BCAS3: variants seen among roughly 807,000 people sequenced by gnomAD.
BCAS3 encodes the protein BCAS4/BCAS3 fusion.
Under a neutral mutation model 116.1 loss-of-function variants are expected in BCAS3, and 53 were observed. That is an observed-to-expected ratio of 0.46 (90% CI 0.37 to 0.57). BCAS3 has a LOEUF of 0.57. Among genes scored for constraint, BCAS3 ranks in the 20% least tolerant of loss-of-function variants. The pLI is 0.00. For synonymous variants in BCAS3, 391 were observed against 408.2 expected (o/e 0.96, Z 0.51); for missense variants, 917 against 1,165.4 (o/e 0.79, Z 3.10).
At chr17:61,328,908 T>C (rs2055965096) in intron 22 of BCAS3, among the ~76,000 whole-genome samples, 1 of 149,356 alleles carries the variant, frequency 6.7e-6, no homozygotes, top group Admixed American at 6.7e-5. Context: ...TTTTTTTTTT[T>C]TTTTGAGACG....
chr17:61,308,171 T>A (rs2053994023), intron 22 of BCAS3, among the ~76,000 whole-genome samples: 1 of 142,262 alleles, frequency 7.0e-6, no homozygotes, highest in Non-Finnish European at 1.5e-5. Context: ...GTGTGGGGAC[T>A]CCTGGTGTTG....
intron 22 of BCAS3, among the ~76,000 whole-genome samples, chr17:61,342,534 C>T (rs1259604192): frequency 1.3e-5 from 2 of 152,202 alleles, no homozygotes; most frequent in African/African-American, 2.4e-5. Flanking sequence ...CTCCCAACGC[C>T]GAGCACATCC....
In BCAS3 at chr17:61,007,561, A is replaced by G. The variant is rs1274888018; in HGVS notation, c.1487-8190A>G. On this transcript the variant is annotated intron_variant, in intron 15 of 23. Coordinates refer to ENST00000407086, the MANE Select transcript of BCAS3 (RefSeq NM_017679.5). The surrounding 1 kb of genome is among the most constrained non-coding windows in gnomAD (Gnocchi z 4.3). ...TATTTATTGGAGTATTCGTACATAA[A>G]TATATACAGTTTCAATTCTCCTGAA... 6.6e-6 allele frequency among the ~76,000 whole-genome samples: 1 copy of G among 152,052 alleles called. No individual in the cohort carries two copies. Among genetic ancestry groups the G allele is most frequent in the East Asian group, 1.9e-4 (1 of 5,190 alleles).
At position 61,003,081 on chromosome 17, in the gene BCAS3, A is replaced by G. The variant is rs2064370553; in HGVS notation, c.1487-12670A>G. On this transcript the variant is annotated intron_variant, in intron 15 of 23. Transcript: ENST00000407086. ...CTTTTAACTCTTCTGTTTTTTTCTC[A>G]GTTGGTTTTTTTTGGGCCCTTTCCT... 3.3e-5 allele frequency among the ~76,000 whole-genome samples: 5 copies of G among 150,908 alleles called. 1 individual carries two copies. In the South Asian group the frequency reaches 1.1e-3, roughly 32 times the overall value.
intron 13 of BCAS3, among the ~76,000 whole-genome samples, chr17:60,928,300 C>T (rs1268029537): frequency 6.6e-6 from 1 of 151,930 alleles, no homozygotes; most frequent in East Asian, 1.9e-4. Context: ...AAGCTGGGAC[C>T]TAAAAGATTA....
At chr17:60,788,360 G>A (rs2046465333) in intron 6 of BCAS3, among the ~76,000 whole-genome samples, 1 of 152,114 alleles carries the variant, frequency 6.6e-6, no homozygotes, top group Non-Finnish European at 1.5e-5. Context: ...TTTGTGTTTG[G>A]TGCTTTTTAA....
intron 6 of BCAS3, among the ~76,000 whole-genome samples, chr17:60,797,498 A>G (rs547687921): frequency 2.2e-4 from 33 of 152,042 alleles, no homozygotes; most frequent in Middle Eastern, 6.8e-3. Flanking sequence ...ACAGGTGTGT[A>G]GCACCACACC....
intron 19 of BCAS3, among the ~76,000 whole-genome samples, chr17:61,069,464 G>A (rs1474291844): frequency 1.3e-5 from 2 of 152,128 alleles, no homozygotes; most frequent in Admixed American, 6.6e-5. Flanking sequence ...ATTTTAATTA[G>A]GTTTTAAGCT....
chr17:60,988,338 C>CTTTTTTTTT (rs71148317), intron 14 of BCAS3, among the ~76,000 whole-genome samples: 8 of 66,760 alleles, frequency 1.2e-4, no homozygotes, highest in Non-Finnish European at 2.0e-4. Context: ...TTTTCTTTTT[C>CTTTTTTTTT]TTTTTTTTTT....
chr17:60,707,350 A>G (rs899147231), intron 4 of BCAS3, among the ~76,000 whole-genome samples: 1 of 151,730 alleles, frequency 6.6e-6, no homozygotes, highest in African/African-American at 2.4e-5. Context: ...CTGGTCTCAG[A>G]CTCCTGGGCT....
At position 60,834,627 on chromosome 17, in the gene BCAS3, C is replaced by T. The variant is rs78315413; in HGVS notation, c.476+26551C>T. On this transcript the variant is annotated intron_variant, in intron 7 of 23. Transcript: ENST00000407086. ...TTCACAGTATAGTAGTATATTTGGC[C>T]TCACTGTGCTTGCTTGGCAGAAGAT... is the stretch of plus-strand genomic sequence containing the variant. Among the ~76,000 whole-genome samples, 625 of 152,010 alleles carry T rather than the reference C, an allele frequency of 4.1e-3. 4 individuals carry two copies. Among genetic ancestry groups the T allele is most frequent in the African/African-American group, 0.014 (601 of 41,520 alleles).
intron 22 of BCAS3, among the ~76,000 whole-genome samples, chr17:61,107,082 C>CTTTTTTTTTTTTTTTTTTTTTT: frequency 9.4e-6 from 1 of 106,388 alleles, no homozygotes; most frequent in Non-Finnish European, 1.7e-5. Context: ...ACTAGGCTTA[C>CTTTTTTTTTTTTTTTTTTTTTT]TTTTTTTTTT....
intron 22 of BCAS3, among the ~76,000 whole-genome samples, chr17:61,360,977 C>G (rs138879936): frequency 0.025 from 3,790 of 152,256 alleles, 65 homozygotes; most frequent in Middle Eastern, 0.068. Context: ...TAACTGCTGA[C>G]TGTTATCTGG....
At chr17:60,869,047 T>C (rs1429057513) in intron 8 of BCAS3, among the ~76,000 whole-genome samples, 1 of 152,240 alleles carries the variant, frequency 6.6e-6, no homozygotes, top group Non-Finnish European at 1.5e-5. Context: ...ATGTGAAATG[T>C]AGTTTTGCTG....
At chr17:60,996,617 G>C (rs1568071611) in intron 15 of BCAS3, among the ~76,000 whole-genome samples, 1 of 152,126 alleles carries the variant, frequency 6.6e-6, no homozygotes, top group Non-Finnish European at 1.5e-5. Flanking sequence ...ATGGTAAGTA[G>C]GTAGTTGGTT....
rs1009321017 is a variant in BCAS3, at chr17:61,136,292, C to T, written c.2425+51728C>T. Reference sequence around the variant, plus strand: ...TGCACCTGGAGCATCTTGGACATAGCTTTGTTTCCACCTTGCATTCACCCA... The same window carrying T: ...TGCACCTGGAGCATCTTGGACATAGTTTTGTTTCCACCTTGCATTCACCCA... On this transcript the variant is annotated intron_variant, in intron 22 of 23. Transcript: ENST00000407086. This position sits in a 1 kb window ranked among gnomAD's most constrained non-coding sequence, Gnocchi z 4.4. Among the ~76,000 whole-genome samples, 5 of 152,204 alleles carry T rather than the reference C, an allele frequency of 3.3e-5. No homozygotes were observed. Among genetic ancestry groups the T allele is most frequent in the Non-Finnish European group, 7.3e-5 (5 of 68,038 alleles).
chr17:60,723,854 G>A (rs1449447064), intron 5 of BCAS3, among the ~76,000 whole-genome samples: 1 of 150,336 alleles, frequency 6.7e-6, no homozygotes, highest in African/African-American at 2.4e-5. Context: ...GAGTAGCTAG[G>A]ACTACAGGCA....
chr17:61,331,457 A>T (rs764765660), intron 22 of BCAS3, among the ~76,000 whole-genome samples: 25 of 152,220 alleles, frequency 1.6e-4, no homozygotes, highest in Non-Finnish European at 2.6e-4. Context: ...GGAGGAGGTC[A>T]CCAGGTTCAA....
At chr17:61,035,812 G>A (rs1019862786) in intron 17 of BCAS3, among the ~76,000 whole-genome samples, 2 of 152,124 alleles carry the variant, frequency 1.3e-5, no homozygotes, top group Admixed American at 1.3e-4. Context: ...CTAATGGGTT[G>A]GTAGCGTATA....
Sources: gnomAD v4.1 joint callset for allele counts (sites outside exome capture counted in the v4.1 genomes callset) on GRCh38, gnomAD v4.1.1 for gene constraint, Gnocchi (gnomAD v3.1) non-coding constraint, MANE v1.5 for transcripts, NCBI Gene and HGNC (gene_info 2026-07-23, HGNC 2026-07-21) for gene names.